GABRB3: variants seen among roughly 807,000 people sequenced by gnomAD.
The protein encoded by GABRB3 is gamma-aminobutyric acid receptor subunit beta-3.
In GABRB3, 14 loss-of-function variants were observed where a neutral mutation model predicts 52.1. The observed-to-expected ratio is 0.27, with a 90% confidence interval of 0.18 to 0.42. The LOEUF (loss-of-function observed/expected upper bound fraction) is 0.42. GABRB3 is among the 10% of genes least tolerant of loss of function. The pLI is 1.00. For missense variants in GABRB3, 307 were observed against 609.1 expected, an observed-to-expected ratio of 0.50 and a Z score of 5.22; for synonymous variants, 260 against 232.3, an observed-to-expected ratio of 1.12 and a Z score of -1.08.
At chr15:26,697,248 C>A (rs1283207413) in intron 3 of GABRB3, among the ~76,000 whole-genome samples, 1 of 152,164 alleles carries the variant, frequency 6.6e-6, no homozygotes, top group African/African-American at 2.4e-5. Context: ...ATGATCTATT[C>A]TCAAAGGGTA....
chr15:26,628,951 C>A, intron 3 of GABRB3: 1 of 1,535,410 alleles, frequency 6.5e-7, no homozygotes, highest in African/African-American at 1.4e-5. Flanking sequence ...TTGTGACTGC[C>A]GAGAGCCCGC....
rs536893995 is a variant in GABRB3 at position 26,562,869 on chromosome 15, T to TTGCTGA, written c.836-1699_836-1694dup. On this transcript the variant is annotated intron_variant, in intron 7 of 8. Transcript: ENST00000311550. Reference sequence around the variant, plus strand: ...TTTTATGTAGAACTGCAAACCATGGTTGCTGACGGAATGTATGGAAATCCA... The same window carrying TTGCTGA: ...TTTTATGTAGAACTGCAAACCATGGTTGCTGATGCTGACGGAATGTATGGAAATCCA... Among the ~76,000 whole-genome samples the TTGCTGA allele has an allele frequency of 1.3e-3, 201 of 152,362 alleles. 1 individual carries two copies. In the Middle Eastern group the frequency reaches 0.017, roughly 13 times the overall value.
At chr15:26,662,411 A>T (rs753791345) in intron 3 of GABRB3, among the ~76,000 whole-genome samples, 2 of 152,184 alleles carry the variant, frequency 1.3e-5, no homozygotes, top group African/African-American at 2.4e-5. Context: ...ACATCCAACC[A>T]CGACTCCCTC....
intron 3 of GABRB3, among the ~76,000 whole-genome samples, chr15:26,688,545 A>G (rs1203380334): frequency 6.6e-6 from 1 of 152,236 alleles, no homozygotes; most frequent in Non-Finnish European, 1.5e-5. Context: ...ACATGCTCTG[A>G]AGGAATCAAT....
intron 3 of GABRB3, among the ~76,000 whole-genome samples, chr15:26,670,256 G>A (rs1220954367): frequency 6.6e-6 from 1 of 152,204 alleles, no homozygotes; most frequent in Non-Finnish European, 1.5e-5. Flanking sequence ...CTCCAGGTGG[G>A]CATGGAGGGG....
intron 3 of GABRB3, among the ~76,000 whole-genome samples, chr15:26,729,445 A>G (rs996227272): frequency 5.9e-5 from 9 of 152,092 alleles, no homozygotes; most frequent in African/African-American, 2.2e-4. Flanking sequence ...CCACCTCTCC[A>G]TCATCCTCCG....
At chr15:26,767,818 C>T (rs1304970228) in intron 3 of GABRB3, among the ~76,000 whole-genome samples, 1 of 152,204 alleles carries the variant, frequency 6.6e-6, no homozygotes, top group Admixed American at 6.5e-5. Context: ...CTAACCCTAG[C>T]TCACTCTAGC....
At chr15:26,628,851 GAAACGGCAGTCCTC>G (rs1892814215) in intron 3 of GABRB3, 5 of 1,010,186 alleles carry the variant, frequency 4.9e-6, no homozygotes, top group Non-Finnish European at 7.3e-6. Flanking sequence ...GCAGAGGCCT[GAAACGGCAGTCCTC>G]AAACGGAGGC....
chr15:26,724,228 G>A (rs1318308850), intron 3 of GABRB3, among the ~76,000 whole-genome samples: 1 of 152,042 alleles, frequency 6.6e-6, no homozygotes, highest in Non-Finnish European at 1.5e-5. Flanking sequence ...AAATCTAACA[G>A]TATCAGTGGA....
rs775311181 is a variant in GABRB3 at position 26,606,161 on chromosome 15, C to T, written c.461+15153G>A. On this transcript the variant is annotated intron_variant, in intron 4 of 8. Transcript: ENST00000311550. ...ATTCAACATGAGATGTGGACAGGGG[C>T]ACAGATCAAAACCATATTAGGTGGG... Among the ~76,000 whole-genome samples the T allele has an allele frequency of 2.0e-5, 3 of 151,992 alleles. No individual in the cohort carries two copies. The South Asian group carries it at 6.2e-4, about 32-fold the overall frequency.
chr15:26,759,753 A>G (rs912459011), intron 3 of GABRB3, among the ~76,000 whole-genome samples: 1 of 152,244 alleles, frequency 6.6e-6, no homozygotes, highest in African/African-American at 2.4e-5. Context: ...ACCACAAAAG[A>G]TTAAAAAATG....
intron 4 of GABRB3, among the ~76,000 whole-genome samples, chr15:26,588,242 A>C (rs1891068994): frequency 6.6e-6 from 1 of 152,176 alleles, no homozygotes; most frequent in Non-Finnish European, 1.5e-5. Flanking sequence ...GAACTGGACA[A>C]CGTTACAGGG....
Position 26,621,621 on chromosome 15 carries a change from C to T in GABRB3, c.241-87G>A, listed in dbSNP as rs1892488142. On this transcript the variant is annotated intron_variant, in intron 3 of 8. Coordinates refer to ENST00000311550, the MANE Select transcript of GABRB3 (RefSeq NM_000814.6). This position sits in a 1 kb window ranked among gnomAD's most constrained non-coding sequence, Gnocchi z 4.1. Reference sequence around the variant, plus strand: ...CGACCAGCCAAATTCAGGTTGCAATCTAGGCTCTACAGTGAATAACCAGGA... The same window carrying T: ...CGACCAGCCAAATTCAGGTTGCAATTTAGGCTCTACAGTGAATAACCAGGA... 2 of 1,019,850 alleles carry T rather than the reference C, an allele frequency of 2.0e-6. No individual in the cohort carries two copies. The highest frequency in any genetic ancestry group is 3.0e-6 in the Non-Finnish European group (2 of 664,962). The allele number at this position is 1,019,850 out of a possible 1,614,324, so 63.2% of individuals were successfully genotyped here.
intron 3 of GABRB3, among the ~76,000 whole-genome samples, chr15:26,760,766 T>C (rs1391800622): frequency 1.3e-5 from 2 of 151,386 alleles, no homozygotes; most frequent in Admixed American, 6.6e-5. Flanking sequence ...TTTTAAAAAC[T>C]GGTTTTCTCT....
intron 4 of GABRB3, among the ~76,000 whole-genome samples, chr15:26,606,831 T>C (rs932404024): frequency 8.1e-6 from 1 of 123,586 alleles, no homozygotes; most frequent in East Asian, 4.3e-4. Context: ...GATAGATAGA[T>C]AGATAGATAG....
At chr15:26,599,842 G>A (rs1445940135) in intron 4 of GABRB3, among the ~76,000 whole-genome samples, 2 of 152,088 alleles carry the variant, frequency 1.3e-5, no homozygotes, top group Non-Finnish European at 1.5e-5. Flanking sequence ...AAAGAATCGA[G>A]AAATCATGAC....
At chr15:26,697,413 T>G (rs901063196) in intron 3 of GABRB3, among the ~76,000 whole-genome samples, 1 of 152,162 alleles carries the variant, frequency 6.6e-6, no homozygotes, top group Non-Finnish European at 1.5e-5. Flanking sequence ...CAGCACAATC[T>G]GTTCAATGAC....
chr15:26,723,100 A>T (rs957365104), intron 3 of GABRB3, among the ~76,000 whole-genome samples: 1 of 152,212 alleles, frequency 6.6e-6, no homozygotes, highest in African/African-American at 2.4e-5. Flanking sequence ...TGGTAAGCAC[A>T]TTAATAAAGG....
At position 26,568,586 on chromosome 15, in the gene GABRB3, C is replaced by T. The variant is rs568435805; in HGVS notation, c.683-853G>A. ...GATCTTGGCTCACTGCAACCTCCAC[C>T]TCCCTGGTTCAGGCGATTCTCTTGC... is the stretch of plus-strand genomic sequence containing the variant. On this transcript the variant is annotated intron_variant, in intron 6 of 8. Transcript: ENST00000311550. 2.6e-5 allele frequency among the ~76,000 whole-genome samples: 4 copies of T among 151,350 alleles called. No individual in the cohort carries two copies. The South Asian group carries it at 8.4e-4, about 32-fold the overall frequency.
Sources: gnomAD v4.1 joint callset for allele counts (sites outside exome capture counted in the v4.1 genomes callset) on GRCh38, gnomAD v4.1.1 for gene constraint, Gnocchi (gnomAD v3.1) non-coding constraint, MANE v1.5 for transcripts, NCBI Gene and HGNC (gene_info 2026-07-23, HGNC 2026-07-21) for gene names.